Variants in HYAL4 observed in about 807,000 individuals in gnomAD.
The protein encoded by HYAL4 is hyaluronidase 4.
Under a neutral mutation model 35.2 loss-of-function variants are expected in HYAL4, and 37 were observed. The ratio of observed to expected loss-of-function variants is 1.05; its 90% CI spans 0.81 to 1.38. The LOEUF (loss-of-function observed/expected upper bound fraction) is 1.38. HYAL4 is among the 40% of genes most tolerant of loss of function. The pLI, the probability that HYAL4 is intolerant of heterozygous loss-of-function variation, is 0.00. For missense variants in HYAL4, 572 were observed against 572.4 expected, an observed-to-expected ratio of 1.00 and a Z score of 0.01; for synonymous variants, 198 against 203.2, an observed-to-expected ratio of 0.97 and a Z score of 0.22.
In HYAL4 at chr7:123,868,286, T is replaced by C. The variant is rs1806748952; in HGVS notation, c.13T>C (p.Ser5Pro). 6.5e-7 allele frequency: 1 copy of C among 1,544,358 alleles called. No individual in the cohort carries two copies. Among genetic ancestry groups the C allele is most frequent in the Admixed American group, 2.2e-5 (1 of 45,198 alleles). The part of the protein sequence containing the change: MKVL[S>P]EGQLKLCVVQ... ...TTTTTATCTTACCATGAAAGTATTA[T>C]CTGAAGGACAGTTAAAGCTTTGTGT... The change falls in exon 3 of 5, where the codon TCT (serine) becomes CCT (proline). Residue 5 changes from serine (S) to proline (P), a missense_variant. Physicochemically the swap from Ser to Pro is moderately conservative, Grantham distance 74. Coordinates refer to ENST00000223026, the MANE Select transcript of HYAL4 (RefSeq NM_012269.3).
chr7:123,815,824 T>G, the HYAL4 span, among the ~76,000 whole-genome samples: 1 of 152,178 alleles, frequency 6.6e-6, no homozygotes, highest in Non-Finnish European at 1.5e-5. Flanking sequence ...GAAGCAGAGC[T>G]GTTGTATGGA....
At chr7:123,850,952 G>A (rs1226813944) in intron 2 of HYAL4, among the ~76,000 whole-genome samples, 2 of 152,194 alleles carry the variant, frequency 1.3e-5, no homozygotes, top group African/African-American at 4.8e-5. Context: ...ACATTTTGAA[G>A]TTATAAGGTT....
chr7:123,777,450 A>G, the HYAL4 span, among the ~76,000 whole-genome samples: 5 of 152,302 alleles, frequency 3.3e-5, no homozygotes, highest in South Asian at 1.0e-3. Flanking sequence ...AAAATTATAC[A>G]TGTGGCTTGC....
the HYAL4 span, among the ~76,000 whole-genome samples, chr7:123,787,468 C>T: frequency 6.6e-6 from 1 of 152,144 alleles, no homozygotes; most frequent in African/African-American, 2.4e-5. Flanking sequence ...CCTCCATGCT[C>T]AACTCAGCCC....
chr7:123,778,476 CT>C, the HYAL4 span, among the ~76,000 whole-genome samples: 77 of 151,696 alleles, frequency 5.1e-4, no homozygotes, highest in East Asian at 1.9e-3. Flanking sequence ...AGTTTCCAGC[CT>C]TTTTTTTCCT....
chr7:123,827,062 A>G (rs1455326716), upstream of HYAL4, among the ~76,000 whole-genome samples: 1 of 152,104 alleles, frequency 6.6e-6, no homozygotes, highest in Non-Finnish European at 1.5e-5. Flanking sequence ...TGGGTATATA[A>G]TCAATTCAGG....
chr7:123,764,023 C>T, the HYAL4 span, among the ~76,000 whole-genome samples: 1 of 152,328 alleles, frequency 6.6e-6, no homozygotes, highest in Non-Finnish European at 1.5e-5. Flanking sequence ...CACTCCAATG[C>T]CCAGGCTGGA....
chr7:123,793,251 A>G, the HYAL4 span, among the ~76,000 whole-genome samples: 9 of 152,344 alleles, frequency 5.9e-5, no homozygotes, highest in South Asian at 1.7e-3. Context: ...AGTGCTTGCC[A>G]CACAATAAGC....
the HYAL4 span, among the ~76,000 whole-genome samples, chr7:123,793,249 CCA>C: frequency 1.3e-5 from 2 of 152,320 alleles, no homozygotes; most frequent in African/African-American, 4.8e-5. Flanking sequence ...CTAGTGCTTG[CCA>C]CACAATAAGC....
upstream of HYAL4, among the ~76,000 whole-genome samples, chr7:123,841,601 G>A (rs988861777): frequency 2.0e-5 from 3 of 151,926 alleles, no homozygotes; most frequent in Non-Finnish European, 4.4e-5. Context: ...GGTAGAATTC[G>A]GCTGTGAATC....
the HYAL4 span, among the ~76,000 whole-genome samples, chr7:123,792,120 C>G: frequency 6.6e-6 from 1 of 151,682 alleles, no homozygotes; most frequent in Non-Finnish European, 1.5e-5. Flanking sequence ...GAGCCCTGAC[C>G]TCATTGTTTC....
the HYAL4 span, among the ~76,000 whole-genome samples, chr7:123,797,192 G>A: frequency 2.0e-5 from 3 of 152,204 alleles, no homozygotes; most frequent in Non-Finnish European, 4.4e-5. Flanking sequence ...AGACTCAATC[G>A]TAAATGGATG....
chr7:123,859,116 G>A (rs1240826337), intron 2 of HYAL4, among the ~76,000 whole-genome samples: 2 of 151,936 alleles, frequency 1.3e-5, no homozygotes, highest in African/African-American at 4.8e-5. Flanking sequence ...AAGGAAAAAA[G>A]TTATCTGATG....
chr7:123,813,101 C>T, the HYAL4 span, among the ~76,000 whole-genome samples: 1 of 151,986 alleles, frequency 6.6e-6, no homozygotes, highest in Admixed American at 6.6e-5. Context: ...TGGTTGGTGT[C>T]TTTCCTGAAT....
At chr7:123,873,897 A>G (rs547203291) in intron 3 of HYAL4, among the ~76,000 whole-genome samples, 136 of 152,364 alleles carry the variant, frequency 8.9e-4, no homozygotes, top group Non-Finnish European at 1.6e-3. Context: ...TCAGGTACTT[A>G]GAAATTAAAC....
At chr7:123,836,820 G>A (rs1162809770) in intron 1 of HYAL4, among the ~76,000 whole-genome samples, 1 of 152,130 alleles carries the variant, frequency 6.6e-6, no homozygotes, top group Non-Finnish European at 1.5e-5. Context: ...CTTGAGGTCA[G>A]CAGTCTGAAA....
chr7:123,851,667 A>G (rs1231784612), intron 2 of HYAL4, among the ~76,000 whole-genome samples: 1 of 152,120 alleles, frequency 6.6e-6, no homozygotes, highest in Non-Finnish European at 1.5e-5. Flanking sequence ...GTTGTTTCCA[A>G]GTCTCTGCTG....
At chr7:123,807,432 G>GTTTT in the HYAL4 span, among the ~76,000 whole-genome samples, 8 of 120,800 alleles carry the variant, frequency 6.6e-5, no homozygotes, top group East Asian at 2.4e-4. Flanking sequence ...ACTTTTTATG[G>GTTTT]TTTTTTTTTT....
the HYAL4 span, among the ~76,000 whole-genome samples, chr7:123,806,703 C>T: frequency 7.9e-5 from 12 of 152,108 alleles, no homozygotes; most frequent in East Asian, 2.3e-3. Context: ...CCATCCAACC[C>T]AGCCTCCCAA....
Sources: allele counts gnomAD v4.1 joint callset (sites outside exome capture counted in the v4.1 genomes callset), GRCh38; gene constraint gnomAD v4.1.1; transcripts MANE v1.5; gene names NCBI Gene and HGNC (gene_info 2026-07-23, HGNC 2026-07-21).